KALRN: variants seen among roughly 807,000 people sequenced by gnomAD.
The protein encoded by KALRN is kalirin.
Under a neutral mutation model 353.7 loss-of-function variants are expected in KALRN, and 70 were observed. That is an observed-to-expected ratio of 0.20 (90% CI 0.16 to 0.24). KALRN has a LOEUF of 0.24. KALRN is among the 10% of genes least tolerant of loss of function. The pLI, the probability that KALRN is intolerant of heterozygous loss-of-function variation, is 1.00. For synonymous variants in KALRN, 1,391 were observed against 1,434.8 expected (o/e 0.97, Z 0.69); for missense variants, 2,791 against 3,756.7 (o/e 0.74, Z 6.72).
chr3:124,635,065 A>G (rs1381221516), intron 36 of KALRN, among the ~76,000 whole-genome samples: 1 of 152,150 alleles, frequency 6.6e-6, no homozygotes, highest in Non-Finnish European at 1.5e-5. Flanking sequence ...AGCTGCCCCC[A>G]TGATGTGACT....
intron 2 of KALRN, among the ~76,000 whole-genome samples, chr3:124,229,358 C>A (rs779424680): frequency 2.0e-5 from 3 of 152,198 alleles, no homozygotes; most frequent in Non-Finnish European, 4.4e-5. Context: ...TCTAGGCCTC[C>A]GGGATCAGAA....
chr3:124,627,124 C>T (rs765555854), intron 34 of KALRN, among the ~76,000 whole-genome samples: 8 of 152,316 alleles, frequency 5.3e-5, no homozygotes, highest in Middle Eastern at 3.4e-3. Context: ...ATGCCAATCC[C>T]TCTGAAGAAG....
At chr3:124,444,105 G>A (rs78989083) in intron 19 of KALRN, among the ~76,000 whole-genome samples, 2,740 of 152,302 alleles carry the variant, frequency 0.018, 41 homozygotes, top group East Asian at 0.076. Context: ...AACATATGTT[G>A]TTGAAGTGGC....
intron 38 of KALRN, among the ~76,000 whole-genome samples, chr3:124,655,058 T>C (rs1439565834): frequency 1.3e-5 from 2 of 152,228 alleles, no homozygotes; most frequent in East Asian, 1.9e-4. Context: ...GTTACCATGA[T>C]ACCTATCTGA....
intron 1 of KALRN, among the ~76,000 whole-genome samples, chr3:124,095,584 C>A (rs1315030542): frequency 1.3e-5 from 2 of 152,080 alleles, no homozygotes; most frequent in East Asian, 3.9e-4. Context: ...ACAGCCGGTA[C>A]AGAATTTGCA....
chr3:124,199,304 C>T (rs995035009), intron 1 of KALRN, among the ~76,000 whole-genome samples: 2 of 152,180 alleles, frequency 1.3e-5, no homozygotes, highest in Non-Finnish European at 2.9e-5. Context: ...CACTCCACAC[C>T]ACCCCAGAAA....
At chr3:124,610,315 G>A (rs2149543044) in intron 34 of KALRN, among the ~76,000 whole-genome samples, 1 of 152,274 alleles carries the variant, frequency 6.6e-6, no homozygotes, top group South Asian at 2.1e-4. Flanking sequence ...AGAGGATGGG[G>A]CATCCCACAC....
chr3:124,373,316 T>G (rs1450473408), intron 10 of KALRN, among the ~76,000 whole-genome samples: 1 of 152,132 alleles, frequency 6.6e-6, no homozygotes, highest in Admixed American at 6.5e-5. Context: ...CATCTGACAG[T>G]AGCTGGGGAC....
intron 6 of KALRN, among the ~76,000 whole-genome samples, chr3:124,317,638 G>A (rs1407971351): frequency 6.6e-6 from 1 of 150,414 alleles, no homozygotes; most frequent in Non-Finnish European, 1.5e-5. Flanking sequence ...TTGGGGAAGG[G>A]CCTGAAATAC....
intron 1 of KALRN, among the ~76,000 whole-genome samples, chr3:124,034,549 G>A (rs978254942): frequency 9.2e-5 from 14 of 151,704 alleles, no homozygotes; most frequent in Non-Finnish European, 1.5e-4. Flanking sequence ...GAGGTGTAGA[G>A]CCCTGAGATG....
chr3:124,527,340 T>G (rs1337839061), intron 33 of KALRN, among the ~76,000 whole-genome samples: 1 of 152,188 alleles, frequency 6.6e-6, no homozygotes, highest in Non-Finnish European at 1.5e-5. Context: ...CTGGGCATGG[T>G]GGCTCACACC....
chr3:124,055,792 CTT>C (rs1343335586), intron 1 of KALRN, among the ~76,000 whole-genome samples: 1 of 152,210 alleles, frequency 6.6e-6, no homozygotes, highest in East Asian at 1.9e-4. Context: ...TCCAAAATCT[CTT>C]TAGTACAGAG....
chr3:124,582,301 G>T (rs769613515), intron 34 of KALRN, among the ~76,000 whole-genome samples: 3 of 152,138 alleles, frequency 2.0e-5, no homozygotes, highest in Non-Finnish European at 4.4e-5. Context: ...GATTACAAGC[G>T]TGAGCCACTG....
At chr3:124,246,061 A>G (rs971088948) in intron 3 of KALRN, among the ~76,000 whole-genome samples, 4 of 152,192 alleles carry the variant, frequency 2.6e-5, no homozygotes, top group African/African-American at 4.8e-5. Context: ...TTGGCTGACT[A>G]GTACTCCATT....
intron 51 of KALRN, chr3:124,679,750 T>G: frequency 1.7e-6 from 1 of 579,436 alleles, no homozygotes; most frequent in South Asian, 2.0e-5. Flanking sequence ...TTATCTTGAA[T>G]GCTTGCTAAA....
chr3:124,235,726 C>G (rs1177674529), intron 3 of KALRN, among the ~76,000 whole-genome samples: 1 of 152,206 alleles, frequency 6.6e-6, no homozygotes, highest in African/African-American at 2.4e-5. Flanking sequence ...TGTTCTTGAG[C>G]AGCGACGGCA....
chr3:124,495,947 GTGTGTA>G (rs1338794076), intron 32 of KALRN, among the ~76,000 whole-genome samples: 822 of 64,978 alleles, frequency 0.013, 64 homozygotes, highest in East Asian at 0.027. Flanking sequence ...GTTCCCAAGT[GTGTGTA>G]TGTGTATGTA....
rs560709972 is a variant in KALRN at position 124,227,198 on chromosome 3, G to A, written c.74-792G>A. 3.3e-5 allele frequency among the ~76,000 whole-genome samples: 5 copies of A among 152,272 alleles called. No homozygotes were observed. In the South Asian group the frequency reaches 1.0e-3, roughly 32 times the overall value. ...CATTCTTTGTGAGCCCCAAGATTCT[G>A]CCTCCAGCCCCCTAACAGGAACTCA... On this transcript the variant is annotated intron_variant, in intron 1 of 59. Coordinates refer to ENST00000682506, the MANE Select transcript of KALRN (RefSeq NM_001388419.1).
intron 1 of KALRN, among the ~76,000 whole-genome samples, chr3:124,061,910 CTATT>C (rs780897531): frequency 4.0e-5 from 6 of 149,394 alleles, no homozygotes; most frequent in African/African-American, 7.4e-5. Flanking sequence ...AAGAAGCAGA[CTATT>C]TATTTAGAAC....
Sources: allele counts gnomAD v4.1 joint callset (sites outside exome capture counted in the v4.1 genomes callset), GRCh38; gene constraint gnomAD v4.1.1; transcripts MANE v1.5; gene names NCBI Gene and HGNC (gene_info 2026-07-23, HGNC 2026-07-21).